MARCHF8: variants seen among roughly 807,000 people sequenced by gnomAD.
MARCHF8 encodes the protein E3 ubiquitin-protein ligase MARCHF8.
MARCHF8 carries 40 observed loss-of-function variants against 51.6 expected under a neutral mutation model. The ratio of observed to expected loss-of-function variants is 0.77; its 90% CI spans 0.60 to 1.01. The LOEUF is 1.01. MARCHF8 is among the 50% of genes least tolerant of loss of function. The pLI is 0.00. For synonymous variants in MARCHF8, 263 were observed against 280.3 expected, an observed-to-expected ratio of 0.94 and a Z score of 0.62; for missense variants, 685 against 708.6, an observed-to-expected ratio of 0.97 and a Z score of 0.38.
At chr10:45,584,385 A>G (rs35070150) in intron 1 of MARCHF8, among the ~76,000 whole-genome samples, 9,361 of 151,948 alleles carry the variant, frequency 0.062, 331 homozygotes, top group Non-Finnish European at 0.066. Flanking sequence ...AAAGCAACAA[A>G]ATAAAACTAT....
intron 3 of MARCHF8, among the ~76,000 whole-genome samples, chr10:45,488,623 G>C (rs1237350900): frequency 6.6e-6 from 1 of 152,188 alleles, no homozygotes; most frequent in Non-Finnish European, 1.5e-5. Context: ...AAGGTTTGCT[G>C]GAGGCAATCA....
At chr10:45,474,274 C>T (rs538360497) in intron 3 of MARCHF8, among the ~76,000 whole-genome samples, 8 of 152,320 alleles carry the variant, frequency 5.3e-5, no homozygotes, top group African/African-American at 1.9e-4. Flanking sequence ...GCACAGGACA[C>T]AACGTCCTGA....
At position 45,459,190 on chromosome 10, in the gene MARCHF8, T is replaced by G. The variant is rs1842708016; in HGVS notation, c.1347A>C (p.Thr449=). The change falls in exon 7 of 8, where the codon ACA becomes ACC. Residue 449 remains threonine, a synonymous_variant. Transcript: ENST00000453424. ...GCACATACAAGGACCAGACCACACATGTGATGGCAATGACGTGGAATGTCA... is the reference window on the plus strand; with the variant it reads ...GCACATACAAGGACCAGACCACACAGGTGATGGCAATGACGTGGAATGTCA... ...CSVTFHVIAI[T]CVVWSLYVLI... is the part of the protein sequence containing the mutation. The G allele has an allele frequency of 1.2e-6, 2 of 1,613,926 alleles. No individual in the cohort carries two copies.
intron 3 of MARCHF8, among the ~76,000 whole-genome samples, chr10:45,485,829 A>G (rs1167272903): frequency 2.6e-5 from 4 of 152,198 alleles, no homozygotes; most frequent in Non-Finnish European, 5.9e-5. Context: ...GACAGAGACA[A>G]CGGGGATTTC....
chr10:45,467,977 A>C (rs1843025420), intron 3 of MARCHF8, among the ~76,000 whole-genome samples: 1 of 148,586 alleles, frequency 6.7e-6, no homozygotes, highest in Non-Finnish European at 1.5e-5. Flanking sequence ...ATCTCACTAC[A>C]AAAAAAAAAA....
At chr10:45,464,718 C>A (rs1016699055) in intron 3 of MARCHF8, among the ~76,000 whole-genome samples, 1 of 152,222 alleles carries the variant, frequency 6.6e-6, no homozygotes, top group Non-Finnish European at 1.5e-5. Flanking sequence ...AGCACTCTCT[C>A]CTAGTTCCCA....
chr10:45,536,539 C>A (rs1480381354), upstream of MARCHF8, among the ~76,000 whole-genome samples: 1 of 151,234 alleles, frequency 6.6e-6, no homozygotes, highest in African/African-American at 2.4e-5. Flanking sequence ...GAGGCCAGAA[C>A]TCAAGAAAGG....
chr10:45,515,790 T>C (rs763026886), intron 2 of MARCHF8, among the ~76,000 whole-genome samples: 3 of 152,192 alleles, frequency 2.0e-5, no homozygotes, highest in South Asian at 2.1e-4. Flanking sequence ...CTTCCAGCTA[T>C]TGGGAGCTGA....
Position 45,498,128 on chromosome 10 carries a change from G to A in MARCHF8, c.103-8711C>T, listed in dbSNP as rs376972241. The stretch of plus-strand genomic sequence containing the variant: ...ACCATTTCTTTTTAACATTTTAATT[G>A]TGGCAAAATACACACAATGTAAACA... On this transcript the variant is annotated intron_variant, in intron 2 of 7. Transcript: ENST00000453424. 1.2e-4 allele frequency among the ~76,000 whole-genome samples: 18 copies of A among 152,156 alleles called. No individual in the cohort carries two copies. The East Asian group carries it at 2.1e-3, about 18-fold the overall frequency.
intron 1 of MARCHF8, among the ~76,000 whole-genome samples, chr10:45,567,185 G>A (rs375596124): frequency 5.3e-5 from 8 of 152,166 alleles, no homozygotes; most frequent in African/African-American, 1.9e-4. Flanking sequence ...TTAAGCCCTT[G>A]CCAGCTGGGT....
At position 45,458,196 on chromosome 10, in the gene MARCHF8, C is replaced by T; in HGVS notation, c.*43G>A. The T allele has an allele frequency of 1.3e-6, 2 of 1,558,110 alleles. No individual in the cohort carries two copies. The highest frequency in any genetic ancestry group is 1.7e-6 in the Non-Finnish European group (2 of 1,153,874). ...ACAATTGGCAGTAAACAATTTCCTTCAGCTCTTCATGGATGTCCAGGAAAA... is the reference window on the plus strand; with the variant it reads ...ACAATTGGCAGTAAACAATTTCCTTTAGCTCTTCATGGATGTCCAGGAAAA... On this transcript the variant is annotated 3_prime_UTR_variant, in exon 8 of 8. Coordinates refer to ENST00000453424, the MANE Select transcript of MARCHF8 (RefSeq NM_001282866.2).
intron 1 of MARCHF8, among the ~76,000 whole-genome samples, chr10:45,548,781 G>T (rs537684221): frequency 6.6e-6 from 1 of 152,100 alleles, no homozygotes; most frequent in South Asian, 2.1e-4. Context: ...GATCGCCTGA[G>T]GTCAGGAGTT....
chr10:45,525,772 T>C (rs1451336486), intron 2 of MARCHF8, among the ~76,000 whole-genome samples: 2 of 152,230 alleles, frequency 1.3e-5, no homozygotes, highest in Non-Finnish European at 2.9e-5. Flanking sequence ...CCAAAACCTA[T>C]AACCCTAGTC....
At chr10:45,552,638 C>T (rs1011903751) in intron 1 of MARCHF8, among the ~76,000 whole-genome samples, 11 of 152,148 alleles carry the variant, frequency 7.2e-5, no homozygotes, top group South Asian at 2.1e-4. Context: ...CCCAATTTTC[C>T]GAGCATCTTC....
intron 1 of MARCHF8, among the ~76,000 whole-genome samples, chr10:45,578,115 C>T (rs1357306136): frequency 2.0e-5 from 3 of 152,076 alleles, no homozygotes; most frequent in Admixed American, 6.5e-5. Flanking sequence ...ACTGAGTAGG[C>T]CTAGAAATAA....
chr10:45,589,065 G>C (rs1036791997), intron 1 of MARCHF8, among the ~76,000 whole-genome samples: 2 of 144,206 alleles, frequency 1.4e-5, no homozygotes, highest in East Asian at 2.0e-4. Flanking sequence ...TAGTTTTCCA[G>C]AAAACTAAAA....
chr10:45,484,842 T>G (rs1206925324), intron 3 of MARCHF8, among the ~76,000 whole-genome samples: 1 of 152,170 alleles, frequency 6.6e-6, no homozygotes, highest in African/African-American at 2.4e-5. Flanking sequence ...TAGATCATCA[T>G]GACCAAGGGG....
intron 2 of MARCHF8, among the ~76,000 whole-genome samples, chr10:45,519,938 T>G (rs929132383): frequency 1.3e-5 from 2 of 152,166 alleles, no homozygotes; most frequent in African/African-American, 4.8e-5. Flanking sequence ...GGGAATGTCA[T>G]GAACAAATAA....
chr10:45,558,163 G>A (rs1188700816), intron 1 of MARCHF8, among the ~76,000 whole-genome samples: 1 of 152,134 alleles, frequency 6.6e-6, no homozygotes, highest in Admixed American at 6.6e-5. Context: ...AGTCTGCACT[G>A]GGACAACTCC....
Sources: gnomAD v4.1 joint callset for allele counts (sites outside exome capture counted in the v4.1 genomes callset) on GRCh38, gnomAD v4.1.1 for gene constraint, MANE v1.5 for transcripts, NCBI Gene and HGNC (gene_info 2026-07-23, HGNC 2026-07-21) for gene names.